The following AFF3 variants were observed in gnomAD, a reference collection of about 807,000 sequenced individuals.
The protein encoded by AFF3 is AF4/FMR2 family member 3.
In AFF3, 32 loss-of-function variants were observed where a neutral mutation model predicts 129.7. The observed-to-expected ratio is 0.25, with a 90% CI of 0.19 to 0.33. The LOEUF (loss-of-function observed/expected upper bound fraction) is 0.33. AFF3 is among the 10% of genes least tolerant of loss of function. The pLI, the probability that AFF3 is intolerant of heterozygous loss-of-function variation, is 1.00. For synonymous variants in AFF3, 644 were observed against 635.4 expected, an observed-to-expected ratio of 1.01 and a Z score of -0.20; for missense variants, 1,373 against 1,592.0, an observed-to-expected ratio of 0.86 and a Z score of 2.34.
At chr2:99,743,681 C>A (rs1278782620) in intron 10 of AFF3, among the ~76,000 whole-genome samples, 1 of 152,068 alleles carries the variant, frequency 6.6e-6, no homozygotes, top group Non-Finnish European at 1.5e-5. Context: ...GTACATATAC[C>A]CAGCCGGTTG....
intron 12 of AFF3, among the ~76,000 whole-genome samples, chr2:99,650,980 C>G (rs1206189860): frequency 6.6e-6 from 1 of 151,964 alleles, no homozygotes; most frequent in Admixed American, 6.6e-5. Flanking sequence ...TCGAGACCAG[C>G]CTGACCAACA....
chr2:99,854,240 T>C (rs1690357006), intron 7 of AFF3, among the ~76,000 whole-genome samples: 1 of 145,226 alleles, frequency 6.9e-6, no homozygotes, highest in Admixed American at 6.8e-5. Flanking sequence ...TGTAACACTA[T>C]CTATAGCAAA....
chr2:100,056,874 C>G (rs868671815), intron 4 of AFF3, among the ~76,000 whole-genome samples: 1 of 152,126 alleles, frequency 6.6e-6, no homozygotes, highest in Non-Finnish European at 1.5e-5. Context: ...GGGGTAAATA[C>G]GAATAGAGGC....
intron 7 of AFF3, among the ~76,000 whole-genome samples, chr2:99,963,229 T>C (rs943695058): frequency 6.6e-6 from 1 of 152,070 alleles, no homozygotes; most frequent in African/African-American, 2.4e-5. Flanking sequence ...AATAAAGACA[T>C]TCCTAAATGA....
intron 7 of AFF3, among the ~76,000 whole-genome samples, chr2:99,916,745 G>A (rs1226496816): frequency 6.6e-6 from 1 of 151,952 alleles, no homozygotes; most frequent in East Asian, 1.9e-4. Flanking sequence ...CACTCCCTAG[G>A]CAGAATTAGG....
chr2:99,629,993 G>C (rs1404130742), intron 13 of AFF3, among the ~76,000 whole-genome samples: 1 of 152,186 alleles, frequency 6.6e-6, no homozygotes, highest in African/African-American at 2.4e-5. Context: ...TGCTGAGATA[G>C]ATAAGCTAGT....
chr2:99,827,639 G>T (rs1395489687), intron 8 of AFF3, among the ~76,000 whole-genome samples: 1 of 151,264 alleles, frequency 6.6e-6, no homozygotes, highest in East Asian at 1.9e-4. Flanking sequence ...ATGTAGCACT[G>T]AAGATATATA....
rs906854939 is a variant in AFF3 at position 100,010,292 on chromosome 2, G to C, written c.54-1360C>G. 3.9e-5 allele frequency among the ~76,000 whole-genome samples: 6 copies of C among 152,264 alleles called. No individual in the cohort carries two copies. In the South Asian group the frequency reaches 1.2e-3, roughly 32 times the overall value. ...TTTAAAAGCTAAATAACTATCTTTAGTAAAACAGAAAGTATATGTATCATG... is the reference window on the plus strand; with the variant it reads ...TTTAAAAGCTAAATAACTATCTTTACTAAAACAGAAAGTATATGTATCATG... On this transcript the variant is annotated intron_variant, in intron 4 of 24. Transcript: ENST00000672756.
At chr2:100,019,137 C>A (rs887806269) in intron 4 of AFF3, among the ~76,000 whole-genome samples, 8 of 152,136 alleles carry the variant, frequency 5.3e-5, no homozygotes, top group Non-Finnish European at 1.0e-4. Context: ...AATCCCCATA[C>A]TTCAGGTTGG....
intron 12 of AFF3, 38 bp downstream of exon 12, chr2:99,672,500 T>A (rs1687253854): frequency 1.9e-6 from 3 of 1,603,314 alleles, no homozygotes; most frequent in African/African-American, 2.7e-5. Flanking sequence ...GTTACCAGTG[T>A]CACCTCCAAA....
At chr2:100,138,462 A>G (rs189059913) in intron 1 of AFF3, among the ~76,000 whole-genome samples, 4 of 152,214 alleles carry the variant, frequency 2.6e-5, no homozygotes, top group East Asian at 1.9e-4. Flanking sequence ...TCAGCCCCCA[A>G]TATTGTTCTG....
chr2:100,091,073 T>C (rs1473754753), intron 4 of AFF3, among the ~76,000 whole-genome samples: 2 of 152,082 alleles, frequency 1.3e-5, no homozygotes, highest in African/African-American at 2.4e-5. Flanking sequence ...TATTACAGGA[T>C]AGTGGTGATG....
At chr2:100,011,477 C>T (rs774569838) in intron 4 of AFF3, 4 of 780,726 alleles carry the variant, frequency 5.1e-6, no homozygotes, top group East Asian at 4.8e-5. Context: ...CTCAGAAGGC[C>T]CCCATGCCCA....
chr2:99,731,371 T>C (rs184291600), intron 10 of AFF3, among the ~76,000 whole-genome samples: 22 of 152,310 alleles, frequency 1.4e-4, no homozygotes, highest in African/African-American at 5.3e-4. Flanking sequence ...TTTTTATTAG[T>C]TCTGTTATTA....
chr2:99,829,398 T>G (rs533824102), intron 8 of AFF3, among the ~76,000 whole-genome samples: 224 of 152,032 alleles, frequency 1.5e-3, no homozygotes, highest in African/African-American at 5.2e-3. Flanking sequence ...CTGACAAAGG[T>G]CTAACATCCA....
chr2:99,634,355 G>C (rs531169342), intron 13 of AFF3, among the ~76,000 whole-genome samples: 1 of 152,346 alleles, frequency 6.6e-6, no homozygotes, highest in African/African-American at 2.4e-5. Context: ...CTAAGCTGTG[G>C]CTTGGCAGAG....
chr2:99,697,656 GAAC>G (rs767302299), intron 11 of AFF3, among the ~76,000 whole-genome samples: 2 of 152,248 alleles, frequency 1.3e-5, no homozygotes, highest in Non-Finnish European at 2.9e-5. Context: ...CAGGTTCTGA[GAAC>G]ACCTTTTAGG....
At chr2:100,012,290 T>C (rs1305071391) in intron 4 of AFF3, among the ~76,000 whole-genome samples, 2 of 152,164 alleles carry the variant, frequency 1.3e-5, no homozygotes, top group Non-Finnish European at 2.9e-5. Context: ...TCCCTTTGGT[T>C]TCTCTCCTCC....
intron 7 of AFF3, among the ~76,000 whole-genome samples, chr2:99,840,231 G>C (rs1689217224): frequency 6.6e-6 from 1 of 152,072 alleles, no homozygotes; most frequent in South Asian, 2.1e-4. Flanking sequence ...TCATATCTAA[G>C]AAACCATTGC....
Sources: gnomAD v4.1 joint callset for allele counts (sites outside exome capture counted in the v4.1 genomes callset) on GRCh38, gnomAD v4.1.1 for gene constraint, MANE v1.5 for transcripts, NCBI Gene and HGNC (gene_info 2026-07-23, HGNC 2026-07-21) for gene names.